The following TANC2 variants were observed in gnomAD, a reference collection of about 807,000 sequenced individuals.
TANC2 encodes tetratricopeptide repeat, ankyrin repeat and coiled-coil containing 2.
A neutral mutation model predicts 210.5 loss-of-function variants in TANC2; 26 were observed. The observed-to-expected ratio is 0.12, with a 90% confidence interval of 0.09 to 0.17. The LOEUF (loss-of-function observed/expected upper bound fraction) is 0.17. Among genes scored for constraint, TANC2 ranks in the 10% least tolerant of loss-of-function variants. The pLI is 1.00. For missense variants in TANC2, 2,129 were observed against 2,608.9 expected, an observed-to-expected ratio of 0.82 and a Z score of 4.01; for synonymous variants, 931 against 967.1, an observed-to-expected ratio of 0.96 and a Z score of 0.69.
At chr17:63,352,148 T>G (rs1479172417) in intron 13 of TANC2, among the ~76,000 whole-genome samples, 1 of 152,128 alleles carries the variant, frequency 6.6e-6, no homozygotes, top group Admixed American at 6.6e-5. Context: ...TGGAACAATG[T>G]TTCTCATTCT....
At chr17:62,989,823 G>A (rs1165226313) in intron 1 of TANC2, among the ~76,000 whole-genome samples, 1 of 143,844 alleles carries the variant, frequency 7.0e-6, no homozygotes, top group African/African-American at 2.7e-5. Flanking sequence ...CCAGCCTGGA[G>A]TGCAGTGGCG....
At chr17:63,250,038 G>T (rs1232803849) in intron 8 of TANC2, among the ~76,000 whole-genome samples, 2 of 151,914 alleles carry the variant, frequency 1.3e-5, no homozygotes, top group Non-Finnish European at 2.9e-5. Context: ...TCAGTTAAAT[G>T]CTGAGTTGTC....
intron 1 of TANC2, among the ~76,000 whole-genome samples, chr17:62,982,093 G>A (rs576225305): frequency 6.6e-6 from 1 of 152,192 alleles, no homozygotes; most frequent in South Asian, 2.1e-4. Context: ...GCCCCACCTT[G>A]GTCAGTCTCC....
chr17:63,378,343 TACAC>T (rs1161033997), intron 14 of TANC2, among the ~76,000 whole-genome samples: 1 of 151,808 alleles, frequency 6.6e-6, no homozygotes, highest in Non-Finnish European at 1.5e-5. Context: ...CACACATACA[TACAC>T]ACACACATTA....
intron 9 of TANC2, among the ~76,000 whole-genome samples, chr17:63,289,449 T>C (rs1216483522): frequency 6.6e-6 from 1 of 152,190 alleles, no homozygotes; most frequent in African/African-American, 2.4e-5. Context: ...CTCTGATTTT[T>C]ATCTATTAAT....
rs1273242337 is a variant in TANC2 at position 63,377,466 on chromosome 17, C to T, written c.2583-2252C>T. 6.6e-5 allele frequency among the ~76,000 whole-genome samples: 10 copies of T among 152,198 alleles called. No homozygotes were observed. The South Asian group carries it at 8.3e-4, about 13-fold the overall frequency. On this transcript the variant is annotated intron_variant, in intron 14 of 27. Transcript: ENST00000689528. ...GATCTCTGGGGCAAGGGCAAAATGC[C>T]ACCAGTCTCTGCTAAAGCATAGCAA...
rs535677383 is a variant in TANC2 at position 63,393,405 on chromosome 17, T to C, written c.3052-2338T>C. 2.6e-5 allele frequency: 4 copies of C among 152,302 alleles called. No individual in the cohort carries two copies. The South Asian group carries it at 6.2e-4, about 24-fold the overall frequency. The allele number at this position is 152,302 out of a possible 1,614,324, so 9.4% of individuals were successfully genotyped here. A position where few individuals can be genotyped will look rare whatever the true frequency, so the allele number is the denominator to read the frequency against. ...CCATATATCAGTGATGATGCGACAT[T>C]GTCCAAGAAAGTACATACCAAGGCC... On this transcript the variant is annotated intron_variant, in intron 17 of 27. Coordinates refer to ENST00000689528, the Ensembl canonical transcript of TANC2.
intron 12 of TANC2, among the ~76,000 whole-genome samples, chr17:63,341,468 A>G (rs945016663): frequency 2.6e-5 from 4 of 152,226 alleles, no homozygotes; most frequent in Non-Finnish European, 5.9e-5. Context: ...CATCATATCT[A>G]TAATTACCTC....
At chr17:63,055,693 A>G (rs78666172) in intron 2 of TANC2, among the ~76,000 whole-genome samples, 2,920 of 149,446 alleles carry the variant, frequency 0.02, 41 homozygotes, top group South Asian at 0.034. Flanking sequence ...TGTTTTGTCC[A>G]TAAATATAGA....
chr17:63,241,455 G>T (rs932254318), intron 8 of TANC2, among the ~76,000 whole-genome samples: 2 of 152,072 alleles, frequency 1.3e-5, no homozygotes, highest in African/African-American at 2.4e-5. Flanking sequence ...GCAAACCAGG[G>T]CCCATGGGCC....
chr17:63,155,410 T>A (rs935037602), intron 5 of TANC2, among the ~76,000 whole-genome samples: 1 of 152,122 alleles, frequency 6.6e-6, no homozygotes, highest in Non-Finnish European at 1.5e-5. Context: ...CTGTTGAAAA[T>A]TTTCAGTAAT....
intron 8 of TANC2, among the ~76,000 whole-genome samples, chr17:63,238,985 C>T (rs756858605): frequency 1.3e-5 from 2 of 151,960 alleles, no homozygotes; most frequent in East Asian, 1.9e-4. Flanking sequence ...GATTACAATT[C>T]GAGATAAGAT....
chr17:63,054,869 T>A (rs2144436688), intron 2 of TANC2, among the ~76,000 whole-genome samples: 1 of 152,346 alleles, frequency 6.6e-6, no homozygotes, highest in South Asian at 2.1e-4. Context: ...TATGTATCCA[T>A]TGTATTCCTT....
intron 5 of TANC2, among the ~76,000 whole-genome samples, chr17:63,155,773 A>G (rs1307906769): frequency 2.0e-5 from 3 of 152,210 alleles, no homozygotes; most frequent in Admixed American, 2.0e-4. Flanking sequence ...TAAAACTCAA[A>G]GAGAAAACAG....
rs765416142 is a variant in TANC2 at position 63,420,313 on chromosome 17, C to G, written c.4583C>G (p.Pro1528Arg). Reference sequence around the variant, plus strand: ...GGGCTCCCGGTCATCCAGAGCCCACCCTCCTCTCCCCCGCATCGGGACTCA... The same window carrying G: ...GGGCTCCCGGTCATCCAGAGCCCACGCTCCTCTCCCCCGCATCGGGACTCA... The change falls in exon 28 of 28, where the codon CCC becomes CGC. Residue 1528 changes from proline to arginine, a missense_variant. Physicochemically the swap from Pro to Arg is moderately radical, Grantham distance 103. This residue lies in a region of TANC2 where 584 missense variants were observed against 627.3 expected (regional missense o/e 0.93). Coordinates refer to ENST00000689528, the Ensembl canonical transcript of TANC2. This position sits in a 1 kb window ranked among gnomAD's most constrained non-coding sequence, Gnocchi z 4.2. 2 of 1,613,914 alleles carry G rather than the reference C, an allele frequency of 1.2e-6. No individual in the cohort carries two copies. Among genetic ancestry groups the G allele is most frequent in the Admixed American group, 3.3e-5 (2 of 60,010 alleles).
At chr17:63,240,591 G>A (rs1330982979) in intron 8 of TANC2, among the ~76,000 whole-genome samples, 1 of 152,102 alleles carries the variant, frequency 6.6e-6, no homozygotes, top group Non-Finnish European at 1.5e-5. Flanking sequence ...GTTGTATCCT[G>A]TACCTTCAGA....
intron 8 of TANC2, among the ~76,000 whole-genome samples, chr17:63,255,452 C>T (rs919390450): frequency 4.6e-5 from 7 of 152,088 alleles, no homozygotes; most frequent in Admixed American, 1.3e-4. Flanking sequence ...GGATCCTGGG[C>T]TTTTCTTTGC....
At chr17:63,265,656 A>G (rs2043503319) in intron 8 of TANC2, among the ~76,000 whole-genome samples, 1 of 152,166 alleles carries the variant, frequency 6.6e-6, no homozygotes. Context: ...AGACTCTCCT[A>G]ATATTATTAT....
intron 4 of TANC2, among the ~76,000 whole-genome samples, chr17:63,110,393 C>T (rs1446583298): frequency 6.6e-6 from 1 of 151,670 alleles, no homozygotes; most frequent in Non-Finnish European, 1.5e-5. Flanking sequence ...AACATTAAAG[C>T]AAAATCAGAG....
Sources: gnomAD v4.1 joint callset for allele counts (sites outside exome capture counted in the v4.1 genomes callset) on GRCh38, gnomAD v4.1.1 for gene constraint, gnomAD v4.1.1 regional missense constraint, Gnocchi (gnomAD v3.1) non-coding constraint, MANE v1.5 for transcripts, NCBI Gene and HGNC (gene_info 2026-07-23, HGNC 2026-07-21) for gene names.